Variants in WDFY4 observed in about 807,000 individuals in gnomAD.
The protein encoded by WDFY4 is WD repeat- and FYVE domain-containing protein 4.
In WDFY4, 169 loss-of-function variants were observed where a neutral mutation model predicts 351.9. That is an observed-to-expected ratio of 0.48 (90% confidence interval 0.42 to 0.55). The LOEUF is 0.55. WDFY4 is among the 20% of genes least tolerant of loss of function. The probability of loss-of-function intolerance (pLI) is 0.00; values close to 1 mark genes in which losing one functional copy is unlikely to be tolerated. For synonymous variants in WDFY4, 1,622 were observed against 1,574.6 expected, an observed-to-expected ratio of 1.03 and a Z score of -0.71; for missense variants, 3,803 against 3,935.6, an observed-to-expected ratio of 0.97 and a Z score of 0.90.
Position 48,943,425 on chromosome 10 carries a change from G to A in WDFY4, c.7725G>A (p.Trp2575Ter), listed in dbSNP as rs1840883026. The A allele has an allele frequency of 6.4e-7, 1 of 1,551,702 alleles. No homozygotes were observed. The highest frequency in any genetic ancestry group is 2.0e-5 in the Admixed American group (1 of 50,974). ...NDYMQYPVFP[W>*]VLADYTSETL... Reference sequence around the variant, plus strand: ...ACATGCAGTACCCAGTGTTCCCCTGGGTCCTCGCAGACTACACCTCAGAGG... The same window carrying A: ...ACATGCAGTACCCAGTGTTCCCCTGAGTCCTCGCAGACTACACCTCAGAGG... The change falls in exon 49 of 62, where the codon TGG becomes TGA. Residue 2575 changes from tryptophan (W) to a stop codon, truncating the protein, a stop_gained. Transcript: ENST00000325239. LOFTEE classifies it high-confidence loss of function.
In WDFY4 at chr10:48,974,808, C is replaced by T. The variant is rs1842495313; in HGVS notation, c.8929-54C>T. 5 of 1,462,816 alleles carry T rather than the reference C, an allele frequency of 3.4e-6. No individual in the cohort carries two copies. The Admixed American group carries it at 9.9e-5, about 29-fold the overall frequency. 90.6% of individuals were successfully genotyped at this position (1,462,816 alleles called of 1,614,324 possible). On this transcript the variant is annotated intron_variant, in intron 57 of 61. Transcript: ENST00000325239. ...CTTTATAGGGAGGGTGAAGAATTCCCAAAAGTAGCTGAATTGAGGGTCCCT... is the reference window on the plus strand; with the variant it reads ...CTTTATAGGGAGGGTGAAGAATTCCTAAAAGTAGCTGAATTGAGGGTCCCT...
intron 39 of WDFY4, among the ~76,000 whole-genome samples, chr10:48,834,649 C>A (rs1409006658): frequency 6.6e-6 from 1 of 152,210 alleles, no homozygotes; most frequent in Non-Finnish European, 1.5e-5. Flanking sequence ...CTTTCCTTGG[C>A]TTCATCATGG....
intron 47 of WDFY4, chr10:48,910,223 T>G: frequency 6.2e-7 from 1 of 1,609,348 alleles, no homozygotes; most frequent in Non-Finnish European, 8.5e-7. Flanking sequence ...CTTCAAGATT[T>G]TGCCACAGCT....
chr10:48,938,451 T>C (rs1293948030), intron 47 of WDFY4, among the ~76,000 whole-genome samples: 1 of 152,234 alleles, frequency 6.6e-6, no homozygotes, highest in Non-Finnish European at 1.5e-5. Flanking sequence ...CCACCATATC[T>C]GGAGGCCCAG....
chr10:48,928,092 G>A (rs1005423352), intron 47 of WDFY4, among the ~76,000 whole-genome samples: 54 of 152,162 alleles, frequency 3.5e-4, no homozygotes, highest in African/African-American at 1.2e-3. Context: ...CCAGACAGGT[G>A]TTATTTTGTC....
intron 57 of WDFY4, among the ~76,000 whole-genome samples, chr10:48,974,519 A>AAAAAAAAAAAAAAAAAC (rs1352344126): frequency 4.0e-4 from 20 of 49,910 alleles, no homozygotes; most frequent in South Asian, 1.3e-3. Context: ...AAAAAAAAAA[A>AAAAAAAAAAAAAAAAAC]AAAAAAAAAA....
At chr10:48,947,019 CAT>C (rs1315767816) in intron 51 of WDFY4, 50 bp downstream of exon 51, 15 of 1,286,926 alleles carry the variant, frequency 1.2e-5, no homozygotes, top group Middle Eastern at 2.0e-4. Flanking sequence ...CACACACACA[CAT>C]ACGCCTGTAT....
intron 11 of WDFY4, among the ~76,000 whole-genome samples, chr10:48,736,725 G>A (rs7075318): frequency 0.56 from 84,880 of 152,022 alleles, 23,860 homozygotes; most frequent in East Asian, 0.64. Flanking sequence ...AGTGTGGTGG[G>A]TGCATTGGTT....
At chr10:48,806,444 T>C (rs763932778) in intron 27 of WDFY4, among the ~76,000 whole-genome samples, 6 of 152,184 alleles carry the variant, frequency 3.9e-5, no homozygotes, top group Non-Finnish European at 8.8e-5. Flanking sequence ...AGTGAAGCAC[T>C]TGCAGGCCCC....
intron 47 of WDFY4, among the ~76,000 whole-genome samples, chr10:48,930,104 C>T (rs1839900526): frequency 1.3e-5 from 2 of 152,080 alleles, no homozygotes; most frequent in South Asian, 4.1e-4. Context: ...GGCCCTTGGT[C>T]AATACTAGTT....
intron 1 of WDFY4, among the ~76,000 whole-genome samples, chr10:48,707,917 T>C (rs981014602): frequency 6.6e-6 from 1 of 152,064 alleles, no homozygotes; most frequent in Non-Finnish European, 1.5e-5. Context: ...ACACACTGCC[T>C]GCCCCTTAGA....
chr10:48,955,941 C>A (rs1841569644), intron 51 of WDFY4, among the ~76,000 whole-genome samples: 1 of 152,204 alleles, frequency 6.6e-6, no homozygotes, highest in African/African-American at 2.4e-5. Context: ...TACAAAGGCC[C>A]AGCCTTGATG....
intron 52 of WDFY4, among the ~76,000 whole-genome samples, chr10:48,958,280 C>G (rs1841700817): frequency 1.3e-5 from 2 of 152,312 alleles, no homozygotes; most frequent in Middle Eastern, 3.4e-3. Context: ...TGGTGGTGTT[C>G]AAATCGTTAG....
intron 47 of WDFY4, among the ~76,000 whole-genome samples, chr10:48,906,225 T>C (rs1442792056): frequency 6.6e-6 from 1 of 152,232 alleles, no homozygotes; most frequent in African/African-American, 2.4e-5. Flanking sequence ...ACACTTGGCC[T>C]AGGCTACAGA....
intron 47 of WDFY4, among the ~76,000 whole-genome samples, chr10:48,902,180 C>A (rs1837390762): frequency 6.6e-6 from 1 of 152,224 alleles, no homozygotes; most frequent in Non-Finnish European, 1.5e-5. Flanking sequence ...GGAGGTCAGG[C>A]CCTCCCATGG....
intron 57 of WDFY4, among the ~76,000 whole-genome samples, chr10:48,974,257 C>T (rs906949750): frequency 1.3e-5 from 2 of 152,062 alleles, no homozygotes; most frequent in Non-Finnish European, 2.9e-5. Flanking sequence ...AAACCCAGCA[C>T]TTTGGGAGGC....
intron 53 of WDFY4, 144 bp downstream of exon 53, chr10:48,959,957 A>G (rs1015872058): frequency 1.3e-6 from 1 of 753,058 alleles, no homozygotes; most frequent in East Asian, 2.8e-5. Context: ...GATGGGGTCT[A>G]TACCTTAGGT....
At chr10:48,740,322 C>T (rs900137788) in intron 11 of WDFY4, among the ~76,000 whole-genome samples, 1 of 152,196 alleles carries the variant, frequency 6.6e-6, no homozygotes, top group African/African-American at 2.4e-5. Context: ...CCAAAACCAC[C>T]ACACACACGT....
chr10:48,892,314 A>G (rs1317762237), intron 44 of WDFY4, among the ~76,000 whole-genome samples: 2 of 152,196 alleles, frequency 1.3e-5, no homozygotes, highest in Non-Finnish European at 2.9e-5. Context: ...CTATATCTGC[A>G]CTTTTAATAG....
Sources: allele counts gnomAD v4.1 joint callset (sites outside exome capture counted in the v4.1 genomes callset), GRCh38; gene constraint gnomAD v4.1.1; transcripts MANE v1.5; gene names NCBI Gene and HGNC (gene_info 2026-07-23, HGNC 2026-07-21).